BAZ1A: variants seen among roughly 807,000 people sequenced by gnomAD.
BAZ1A encodes bromodomain adjacent to zinc finger domain protein 1A.
BAZ1A carries 50 observed loss-of-function variants against 185.2 expected under a neutral mutation model. The ratio of observed to expected loss-of-function variants is 0.27; its 90% CI spans 0.22 to 0.34. The LOEUF (loss-of-function observed/expected upper bound fraction) is 0.34, where lower values mean the gene tolerates loss of function less well. BAZ1A is among the 10% of genes least tolerant of loss of function. The pLI is 1.00. For synonymous variants in BAZ1A, 571 were observed against 615.6 expected, an observed-to-expected ratio of 0.93 and a Z score of 1.07; for missense variants, 1,356 against 1,839.9, an observed-to-expected ratio of 0.74 and a Z score of 4.81.
chr14:34,808,686 G>A (rs1055683128), intron 5 of BAZ1A, among the ~76,000 whole-genome samples: 14 of 152,230 alleles, frequency 9.2e-5, no homozygotes, highest in Admixed American at 4.6e-4. Flanking sequence ...AAAATTAAAA[G>A]AGGCTTAAAA....
intron 10 of BAZ1A, among the ~76,000 whole-genome samples, 157 bp from the exon 11 acceptor site, chr14:34,795,044 T>G (rs1881108752): frequency 6.6e-6 from 1 of 152,276 alleles, no homozygotes; most frequent in African/African-American, 2.4e-5. Context: ...TTGAAACTTC[T>G]AAAATTATAG....
chr14:34,764,980 C>T, intron 22 of BAZ1A, 41 bp downstream of exon 22: 1 of 1,613,382 alleles, frequency 6.2e-7, no homozygotes, highest in Non-Finnish European at 8.5e-7. Flanking sequence ...TGCTCAAAAT[C>T]TTAATGTCTC....
intron 12 of BAZ1A, among the ~76,000 whole-genome samples, chr14:34,790,608 C>G (rs1207184551): frequency 6.6e-6 from 1 of 152,112 alleles, no homozygotes; most frequent in African/African-American, 2.4e-5. Flanking sequence ...CCCACCTCAG[C>G]CTCCCAAAAT....
At position 34,863,152 on chromosome 14, in the gene BAZ1A, C is replaced by CAT. The variant is rs1566603150; in HGVS notation, c.114-831_114-830insAT. Among the ~76,000 whole-genome samples the CAT allele has an allele frequency of 1.6e-4, 7 of 44,704 alleles. 1 individual carries two copies. Among genetic ancestry groups the CAT allele is most frequent in the Non-Finnish European group, 1.4e-4 (3 of 20,764 alleles). The allele number at this position is 44,704 out of a possible 152,430, so 29.3% of individuals were successfully genotyped here. ...TACAGGTGCCCGCCACCACGCTCGGCTTTTTTTTTTTTTTTTTTTTTTTTT... is the reference window on the plus strand; with the variant it reads ...TACAGGTGCCCGCCACCACGCTCGGCATTTTTTTTTTTTTTTTTTTTTTTTTT... On this transcript the variant is annotated intron_variant, in intron 2 of 26. Coordinates refer to ENST00000360310, the MANE Select transcript of BAZ1A (RefSeq NM_013448.3).
chr14:34,829,799 T>C (rs1322712662), intron 3 of BAZ1A, among the ~76,000 whole-genome samples: 3 of 152,216 alleles, frequency 2.0e-5, no homozygotes, highest in African/African-American at 7.2e-5. Context: ...CCTACCTCCC[T>C]GACCACACTT....
Position 34,794,836 on chromosome 14 carries a change from C to A in BAZ1A, c.1276G>T (p.Gly426Cys). ...VKTRLPPEIF[G>C]DALMVLEFLN... The stretch of plus-strand genomic sequence containing the variant: ...AACTCCAAAACCATCAGAGCATCAC[C>A]AAAGATTTCAGGAGGTAGTCTAGTT... Residue 426 changes from glycine to cysteine, a missense_variant, in exon 11 of 27, where the codon GGT becomes TGT. Transcript: ENST00000360310. 1 of 1,614,090 alleles carries A rather than the reference C, an allele frequency of 6.2e-7. No individual in the cohort carries two copies. The highest frequency in any genetic ancestry group is 8.5e-7 in the Non-Finnish European group (1 of 1,179,980).
Position 34,762,106 on chromosome 14 carries a change from A to G in BAZ1A, c.3894T>C (p.Ser1298=), listed in dbSNP as rs770263520. The change falls in exon 24 of 27, where the codon AGT becomes AGC. Residue 1298 remains serine, a synonymous_variant. Coordinates refer to ENST00000360310, the MANE Select transcript of BAZ1A (RefSeq NM_013448.3). The part of the protein sequence containing the change: ...QQEPGRYPSR[S]QQSTPKTTVS... ...CAGTTGTTTTGGGTGTGCTCTGCTG[A>G]CTCCTTGAAGGGTATCTTCCAGGTT... is the stretch of plus-strand genomic sequence containing the variant. The G allele has an allele frequency of 6.2e-7, 1 of 1,613,854 alleles. No homozygotes were observed. The highest frequency in any genetic ancestry group is 1.3e-5 in the African/African-American group (1 of 74,852).
At chr14:34,793,553 A>G (rs1880986639) in intron 11 of BAZ1A, among the ~76,000 whole-genome samples, 1 of 152,238 alleles carries the variant, frequency 6.6e-6, no homozygotes, top group African/African-American at 2.4e-5. Flanking sequence ...TCACGCCTGT[A>G]ATCCCAGCAC....
In BAZ1A at chr14:34,801,111, T is replaced by C. The variant is rs1881513556; in HGVS notation, c.944A>G (p.Glu315Gly). The change falls in exon 8 of 27, where the codon GAA becomes GGA. Residue 315 changes from glutamate (E) to glycine (G), a missense_variant. Around this residue, in one of 7 missense-constraint regions of BAZ1A, gnomAD observed 332 missense variants for 395.3 expected, o/e 0.84. Coordinates refer to ENST00000360310, the MANE Select transcript of BAZ1A (RefSeq NM_013448.3). ...TKERDKLLKQ[E>G]EMKSLAFEKA... ...AAACTCACCCAGTGACTTCATTTCT[T>C]CTTGTTTCAAAAGTTTATCTCTTTC... 3.1e-6 allele frequency: 5 copies of C among 1,597,642 alleles called. No homozygotes were observed. Among genetic ancestry groups the C allele is most frequent in the Non-Finnish European group, 3.4e-6 (4 of 1,174,226 alleles).
rs1213584371 is a variant in BAZ1A, at chr14:34,874,702, G to A, written c.-58-40C>T. Reference sequence around the variant, plus strand: ...GGGAAAGGAAAGCCGGTAAGGTGGGGAGCCCTCGGCGGCAGCGTGGGCCGG... The same window carrying A: ...GGGAAAGGAAAGCCGGTAAGGTGGGAAGCCCTCGGCGGCAGCGTGGGCCGG... On this transcript the variant is annotated intron_variant, in intron 1 of 26. Transcript: ENST00000360310. This position sits in a 1 kb window ranked among gnomAD's most constrained non-coding sequence, Gnocchi z 4.7. 1.4e-5 allele frequency: 15 copies of A among 1,067,448 alleles called. No individual in the cohort carries two copies. Among genetic ancestry groups the A allele is most frequent in the Non-Finnish European group, 2.0e-5 (15 of 752,616 alleles). The allele number at this position is 1,067,448 out of a possible 1,614,324, so 66.1% of individuals were successfully genotyped here.
intron 17 of BAZ1A, among the ~76,000 whole-genome samples, chr14:34,778,765 T>G (rs974148510): frequency 1.3e-5 from 2 of 152,238 alleles, no homozygotes; most frequent in Non-Finnish European, 1.5e-5. Flanking sequence ...ATGATTGCCC[T>G]CTTTATAAAA....
intron 3 of BAZ1A, among the ~76,000 whole-genome samples, chr14:34,831,754 A>G (rs1403489306): frequency 1.3e-5 from 2 of 152,212 alleles, no homozygotes; most frequent in East Asian, 1.9e-4. Flanking sequence ...TAAGATTTAC[A>G]TAAGTTCAAT....
At chr14:34,795,082 A>T (rs1034073463) in intron 10 of BAZ1A, among the ~76,000 whole-genome samples, 195 bp from the exon 11 acceptor site, 1 of 152,186 alleles carries the variant, frequency 6.6e-6, no homozygotes, top group African/African-American at 2.4e-5. Context: ...CAACTTTACT[A>T]AATCACAGTT....
rs1024396693 is a variant in BAZ1A at position 34,874,726 on chromosome 14, G to C, written c.-58-64C>G. The C allele has an allele frequency of 1.4e-6, 1 of 722,808 alleles. No individual in the cohort carries two copies. The highest frequency in any genetic ancestry group is 3.3e-5 in the East Asian group (1 of 30,410). The allele number at this position is 722,808 out of a possible 1,614,324, so 44.8% of individuals were successfully genotyped here. Reference sequence around the variant, plus strand: ...GGAGCCCTCGGCGGCAGCGTGGGCCGGTCCGCGCGCTGGGAGAAGCTCGGC... The same window carrying C: ...GGAGCCCTCGGCGGCAGCGTGGGCCCGTCCGCGCGCTGGGAGAAGCTCGGC... On this transcript the variant is annotated intron_variant, in intron 1 of 26. Coordinates refer to ENST00000360310, the MANE Select transcript of BAZ1A (RefSeq NM_013448.3). This position sits in a 1 kb window ranked among gnomAD's most constrained non-coding sequence, Gnocchi z 4.7.
intron 10 of BAZ1A, 25 bp downstream of exon 10, chr14:34,795,645 T>G (rs1447368782): frequency 6.5e-7 from 1 of 1,539,644 alleles, no homozygotes; most frequent in African/African-American, 1.4e-5. Flanking sequence ...CTATGTGTGC[T>G]AAACATCACA....
rs1879361323 is a variant in BAZ1A at position 34,773,428 on chromosome 14, T to C, written c.3152+144A>G. ...ATCCTGAGGTTTAGAAAATGATCAGTCCAATGGTTACAAATATCAAGGTCC... is the reference window on the plus strand; with the variant it reads ...ATCCTGAGGTTTAGAAAATGATCAGCCCAATGGTTACAAATATCAAGGTCC... On this transcript the variant is annotated intron_variant, in intron 20 of 26. Transcript: ENST00000360310. The C allele has an allele frequency of 5.9e-6, 4 of 682,260 alleles. No homozygotes were observed. In the South Asian group the frequency reaches 8.7e-5, roughly 15 times the overall value. 42.3% of individuals were successfully genotyped at this position (682,260 alleles called of 1,614,324 possible).
At chr14:34,814,287 T>C (rs1263730544) in intron 4 of BAZ1A, among the ~76,000 whole-genome samples, 1 of 151,532 alleles carries the variant, frequency 6.6e-6, no homozygotes, top group Non-Finnish European at 1.5e-5. Context: ...ATGCATTATA[T>C]ATTAACATAT....
intron 3 of BAZ1A, among the ~76,000 whole-genome samples, chr14:34,857,628 CTCTCCATTTG>C (rs1387125733): frequency 6.6e-6 from 1 of 152,170 alleles, no homozygotes; most frequent in African/African-American, 2.4e-5. Context: ...CCATCCAATT[CTCTCCATTTG>C]TACTGCTGCC....
At chr14:34,848,381 G>A (rs2042547410) in intron 3 of BAZ1A, among the ~76,000 whole-genome samples, 1 of 152,070 alleles carries the variant, frequency 6.6e-6, no homozygotes, top group African/African-American at 2.4e-5. Context: ...CAAGGCAGGA[G>A]GACCACCTGA....
Sources: gnomAD v4.1 joint callset for allele counts (sites outside exome capture counted in the v4.1 genomes callset) on GRCh38, gnomAD v4.1.1 for gene constraint, gnomAD v4.1.1 regional missense constraint, Gnocchi (gnomAD v3.1) non-coding constraint, MANE v1.5 for transcripts, NCBI Gene and HGNC (gene_info 2026-07-23, HGNC 2026-07-21) for gene names.